The following UBR3 variants were observed in gnomAD, a reference collection of about 807,000 sequenced individuals.
UBR3 encodes the protein E3 ubiquitin-protein ligase UBR3.
A neutral mutation model predicts 243.2 loss-of-function variants in UBR3; 85 were observed. That is an observed-to-expected ratio of 0.35 (90% CI 0.29 to 0.42). UBR3 has a LOEUF of 0.42. Ranked by LOEUF, UBR3 falls within the 10% of genes least tolerant of loss-of-function variation. UBR3 has a pLI of 1.00. For synonymous variants in UBR3, 748 were observed against 799.8 expected, an observed-to-expected ratio of 0.94 and a Z score of 1.09; for missense variants, 1,686 against 2,300.8, an observed-to-expected ratio of 0.73 and a Z score of 5.47.
chr2:169,994,248 A>C, intron 25 of UBR3, 75 bp from the exon 26 acceptor site: 1 of 1,508,856 alleles, frequency 6.6e-7, no homozygotes, highest in Non-Finnish European at 9.0e-7. Context: ...GTGGTAAATA[A>C]CTCAGCTTTT....
intron 35 of UBR3, among the ~76,000 whole-genome samples, chr2:170,062,760 G>C (rs904888933): frequency 1.3e-5 from 2 of 152,140 alleles, no homozygotes; most frequent in African/African-American, 4.8e-5. Flanking sequence ...TTATGAGAAA[G>C]TATTTTTTGC....
intron 24 of UBR3, among the ~76,000 whole-genome samples, chr2:169,968,066 T>A (rs183843792): frequency 8.9e-4 from 135 of 152,140 alleles, no homozygotes; most frequent in African/African-American, 2.6e-3. Flanking sequence ...TTTAAAAAAA[T>A]TTAATATTTA....
chr2:169,884,063 C>T (rs1207519371), intron 5 of UBR3, among the ~76,000 whole-genome samples: 1 of 151,874 alleles, frequency 6.6e-6, no homozygotes, highest in African/African-American at 2.4e-5. Flanking sequence ...GAACTCCTGA[C>T]CTCAGGTGAT....
In UBR3 at chr2:169,947,914, C is replaced by T. The variant is rs16857316; in HGVS notation, c.3084+199C>T. On this transcript the variant is annotated intron_variant, in intron 22 of 38. Coordinates refer to ENST00000272793, the MANE Select transcript of UBR3 (RefSeq NM_172070.4). ...TCCCTTAATCTGCCAGAGTTCACGA[C>T]GGCCTAAAGTTCTTCAAAGAGAGGT... is the stretch of plus-strand genomic sequence containing the variant. The T allele has an allele frequency of 1.0e-3, 1,014 of 985,136 alleles. 7 individuals carry two copies. The African/African-American group carries it at 0.016, about 15-fold the overall frequency. The allele number at this position is 985,136 out of a possible 1,614,324, so 61.0% of individuals were successfully genotyped here.
intron 32 of UBR3, among the ~76,000 whole-genome samples, chr2:170,054,574 CCCT>C (rs2091292086): frequency 6.6e-6 from 1 of 151,810 alleles, no homozygotes; most frequent in Admixed American, 6.6e-5. Flanking sequence ...GAGCCACCGC[CCCT>C]GGCCACACCC....
chr2:169,841,879 T>C (rs933398387), intron 1 of UBR3, among the ~76,000 whole-genome samples: 39 of 152,290 alleles, frequency 2.6e-4, no homozygotes, highest in Non-Finnish European at 4.6e-4. Context: ...TACTCCACGG[T>C]GCCCAGTCCC....
intron 1 of UBR3, among the ~76,000 whole-genome samples, chr2:169,867,184 T>C (rs1197536402): frequency 2.6e-5 from 4 of 152,206 alleles, no homozygotes; most frequent in Non-Finnish European, 5.9e-5. Context: ...GTATATCATA[T>C]CATACCCTCA....
intron 21 of UBR3, among the ~76,000 whole-genome samples, chr2:169,947,166 G>A (rs1053379524): frequency 7.2e-5 from 11 of 152,066 alleles, no homozygotes; most frequent in African/African-American, 2.7e-4. Context: ...TCTATGATTA[G>A]TGATACCTTT....
At chr2:169,871,633 A>G (rs565335430) in intron 1 of UBR3, among the ~76,000 whole-genome samples, 13 of 150,910 alleles carry the variant, frequency 8.6e-5, no homozygotes, top group South Asian at 2.1e-4. Context: ...CTGTAGTCCC[A>G]GCTACTTGGG....
intron 1 of UBR3, among the ~76,000 whole-genome samples, chr2:169,850,925 TA>T (rs2082636180): frequency 6.6e-6 from 1 of 152,064 alleles, no homozygotes; most frequent in East Asian, 1.9e-4. Context: ...AAAAACATAA[TA>T]AAAAATATTT....
Position 169,895,647 on chromosome 2 carries a change from C to G in UBR3, c.1236+336C>G, listed in dbSNP as rs148139624. On this transcript the variant is annotated intron_variant, in intron 7 of 38. Transcript: ENST00000272793. ...GTTCTAAATCCTCTGAAGAAGAGTACAAGGTGCTATAAGAATGTTTAATGG... is the reference window on the plus strand; with the variant it reads ...GTTCTAAATCCTCTGAAGAAGAGTAGAAGGTGCTATAAGAATGTTTAATGG... Among the ~76,000 whole-genome samples the G allele has an allele frequency of 6.6e-5, 10 of 152,204 alleles. No individual in the cohort carries two copies. In the East Asian group the frequency reaches 1.9e-3, roughly 29 times the overall value.
At chr2:169,939,354 G>C (rs2086479566) in intron 19 of UBR3, among the ~76,000 whole-genome samples, 2 of 151,158 alleles carry the variant, frequency 1.3e-5, no homozygotes, top group Non-Finnish European at 2.9e-5. Flanking sequence ...CATCTCCCAG[G>C]TTCATGCCAT....
At chr2:169,996,862 G>A (rs1044293210) in intron 26 of UBR3, among the ~76,000 whole-genome samples, 4 of 151,626 alleles carry the variant, frequency 2.6e-5, no homozygotes, top group African/African-American at 7.3e-5. Context: ...ACCATGTCCG[G>A]CTAATTTTTT....
intron 10 of UBR3, among the ~76,000 whole-genome samples, chr2:169,907,755 G>C (rs1029021995): frequency 2.6e-5 from 4 of 151,436 alleles, no homozygotes; most frequent in Non-Finnish European, 5.9e-5. Context: ...CTCATAATTC[G>C]TTATCTTTTT....
At chr2:169,941,104 T>C (rs2105355951) in intron 19 of UBR3, among the ~76,000 whole-genome samples, 1 of 152,312 alleles carries the variant, frequency 6.6e-6, no homozygotes, top group Non-Finnish European at 1.5e-5. Context: ...TGTTAGAAGG[T>C]CATTAGTAGC....
intron 30 of UBR3, among the ~76,000 whole-genome samples, chr2:170,028,151 C>T (rs2090579782): frequency 6.6e-6 from 1 of 151,864 alleles, no homozygotes; most frequent in South Asian, 2.1e-4. Flanking sequence ...CAGATTGAAA[C>T]TTACAAAAAT....
intron 28 of UBR3, among the ~76,000 whole-genome samples, chr2:170,008,488 G>A (rs2089988978): frequency 6.6e-6 from 1 of 151,978 alleles, no homozygotes; most frequent in African/African-American, 2.4e-5. Context: ...GTTTTTTATA[G>A]ACATGGAAAC....
At chr2:169,997,368 A>G (rs1440570104) in intron 26 of UBR3, among the ~76,000 whole-genome samples, 3 of 152,078 alleles carry the variant, frequency 2.0e-5, no homozygotes, top group Non-Finnish European at 2.9e-5. Flanking sequence ...AGCAGCTTCT[A>G]TGGCTGGGTG....
At chr2:170,038,630 C>T (rs1187357197) in intron 31 of UBR3, among the ~76,000 whole-genome samples, 6 of 152,040 alleles carry the variant, frequency 3.9e-5, no homozygotes, top group South Asian at 2.1e-4. Context: ...CAATTAAATA[C>T]GGGGTGAGTG....
Sources: gnomAD v4.1 joint callset for allele counts (sites outside exome capture counted in the v4.1 genomes callset) on GRCh38, gnomAD v4.1.1 for gene constraint, MANE v1.5 for transcripts, NCBI Gene and HGNC (gene_info 2026-07-23, HGNC 2026-07-21) for gene names.